Variants in SH3GL3 observed in about 807,000 individuals in gnomAD.
SH3GL3 encodes SH3 domain containing GRB2 like 3, endophilin A3.
In SH3GL3, 33 loss-of-function variants were observed where a neutral mutation model predicts 47.7. That is an observed-to-expected ratio of 0.69 (90% CI 0.52 to 0.92). The LOEUF (loss-of-function observed/expected upper bound fraction) is 0.92, where lower values mean the gene tolerates loss of function less well. Among genes scored for constraint, SH3GL3 ranks in the 40% least tolerant of loss-of-function variants. SH3GL3 has a pLI of 0.00. For missense variants in SH3GL3, 363 were observed against 417.8 expected (o/e 0.87, Z 1.14); for synonymous variants, 155 against 148.8 (o/e 1.04, Z -0.30).
intron 1 of SH3GL3, among the ~76,000 whole-genome samples, chr15:83,546,607 T>C (rs572459900): frequency 6.6e-5 from 10 of 152,188 alleles, no homozygotes; most frequent in Admixed American, 2.0e-4. Flanking sequence ...AGCCTTTCCC[T>C]GTGGATACTA....
intron 7 of SH3GL3, among the ~76,000 whole-genome samples, chr15:83,588,108 CTTTTG>C (rs199974305): frequency 1.3e-5 from 2 of 152,064 alleles, no homozygotes; most frequent in East Asian, 1.9e-4. Context: ...GAAAATTAGT[CTTTTG>C]TTTTGTTTTG....
chr15:83,462,910 T>A (rs2040372420), intron 1 of SH3GL3, among the ~76,000 whole-genome samples: 1 of 152,142 alleles, frequency 6.6e-6, no homozygotes, highest in South Asian at 2.1e-4. Context: ...TATAAGAATA[T>A]CTATCCAGGA....
At chr15:83,586,041 G>A (rs1046910629) in intron 6 of SH3GL3, among the ~76,000 whole-genome samples, 4 of 152,192 alleles carry the variant, frequency 2.6e-5, no homozygotes, top group African/African-American at 9.7e-5. Context: ...ATGATGCATA[G>A]GCTTTGGGGA....
chr15:83,555,629 C>A (rs928470820), intron 1 of SH3GL3, among the ~76,000 whole-genome samples: 1 of 152,120 alleles, frequency 6.6e-6, no homozygotes, highest in African/African-American at 2.4e-5. Flanking sequence ...TCTTCAGTCT[C>A]CTTGGGCCTG....
chr15:83,585,979 G>C (rs2059943970), intron 6 of SH3GL3, among the ~76,000 whole-genome samples: 1 of 152,196 alleles, frequency 6.6e-6, no homozygotes, highest in Admixed American at 6.5e-5. Context: ...TTGCATAAAT[G>C]AATCAGCAGG....
intron 6 of SH3GL3, among the ~76,000 whole-genome samples, chr15:83,578,281 C>A (rs906688782): frequency 2.0e-5 from 3 of 152,196 alleles, no homozygotes; most frequent in African/African-American, 4.8e-5. Context: ...ACCTGCCTCC[C>A]TCCGGAGCCC....
At chr15:83,498,460 A>G (rs2042166687) in intron 1 of SH3GL3, among the ~76,000 whole-genome samples, 1 of 152,188 alleles carries the variant, frequency 6.6e-6, no homozygotes, top group South Asian at 2.1e-4. Context: ...ATATGTAGTA[A>G]CTTCCACCAA....
At chr15:83,609,817 G>A (rs975747366) in intron 8 of SH3GL3, among the ~76,000 whole-genome samples, 3 of 152,088 alleles carry the variant, frequency 2.0e-5, no homozygotes, top group Non-Finnish European at 2.9e-5. Flanking sequence ...GTTAGAGATG[G>A]AGCCCTGGAG....
intron 1 of SH3GL3, among the ~76,000 whole-genome samples, chr15:83,498,782 C>A (rs1043608930): frequency 6.6e-6 from 1 of 152,324 alleles, no homozygotes; most frequent in East Asian, 1.9e-4. Flanking sequence ...ATGGTCACCC[C>A]CTACTGAAAA....
chr15:83,574,310 C>T (rs1043525878), intron 5 of SH3GL3, among the ~76,000 whole-genome samples: 9 of 152,094 alleles, frequency 5.9e-5, no homozygotes, highest in Non-Finnish European at 1.2e-4. Context: ...CTAAACATCC[C>T]ATTCCCCACC....
intron 8 of SH3GL3, among the ~76,000 whole-genome samples, chr15:83,610,393 C>T (rs536283436): frequency 9.0e-4 from 137 of 152,152 alleles, no homozygotes; most frequent in African/African-American, 3.1e-3. Flanking sequence ...CAAAATTATC[C>T]GGGCATGATG....
chr15:83,560,273 C>T (rs7173804), intron 2 of SH3GL3, among the ~76,000 whole-genome samples: 130,444 of 152,170 alleles, frequency 0.86, 56,550 homozygotes, highest in Admixed American at 0.9. Context: ...GAGTATCTCC[C>T]CAGGATACCT....
At chr15:83,487,848 C>CT (rs1345286229) in intron 1 of SH3GL3, among the ~76,000 whole-genome samples, 2 of 150,292 alleles carry the variant, frequency 1.3e-5, no homozygotes, top group African/African-American at 2.4e-5. Flanking sequence ...TTTTTTCTTT[C>CT]TTTTTTTAAT....
chr15:83,499,299 T>TA (rs1242795805), intron 1 of SH3GL3, among the ~76,000 whole-genome samples: 1 of 150,212 alleles, frequency 6.7e-6, no homozygotes, highest in African/African-American at 2.5e-5. Flanking sequence ...CATTAAACTT[T>TA]AAAAAATAAC....
At chr15:83,450,894 C>T (rs1418396743) in intron 1 of SH3GL3, among the ~76,000 whole-genome samples, 3 of 125,936 alleles carry the variant, frequency 2.4e-5, no homozygotes, top group Non-Finnish European at 1.6e-5. Context: ...CATGCTGGTG[C>T]GCTGCACCCA....
chr15:83,629,248 A>G, the SH3GL3 span, among the ~76,000 whole-genome samples: 1 of 152,214 alleles, frequency 6.6e-6, no homozygotes, highest in Admixed American at 6.5e-5. Flanking sequence ...ACAGAAATCC[A>G]AAAGTCCTAG....
Position 83,580,065 on chromosome 15 carries a change from G to A in SH3GL3, c.624+3324G>A, listed in dbSNP as rs371553603. The stretch of plus-strand genomic sequence containing the variant: ...GCATACATTGAACCCTTGGCCCTGT[G>A]TTTGGCCCATCTCCAACAACCAGGC... On this transcript the variant is annotated intron_variant, in intron 6 of 8. Transcript: ENST00000427482. Among the ~76,000 whole-genome samples, 50 of 152,326 alleles carry A rather than the reference G, an allele frequency of 3.3e-4. No homozygotes were observed. In the South Asian group the frequency reaches 0.01, roughly 31 times the overall value.
intron 1 of SH3GL3, among the ~76,000 whole-genome samples, chr15:83,527,494 G>T (rs545151463): frequency 2.0e-5 from 3 of 151,998 alleles, no homozygotes; most frequent in Non-Finnish European, 4.4e-5. Flanking sequence ...TACTGTTTTT[G>T]ACTTAAAGTC....
At chr15:83,538,891 G>C (rs115209906) in intron 1 of SH3GL3, among the ~76,000 whole-genome samples, 3,906 of 152,204 alleles carry the variant, frequency 0.026, 171 homozygotes, top group African/African-American at 0.086. Flanking sequence ...CTGAGTCATA[G>C]GGTATGGTTA....
Sources: allele counts gnomAD v4.1 joint callset (sites outside exome capture counted in the v4.1 genomes callset), GRCh38; gene constraint gnomAD v4.1.1; transcripts MANE v1.5; gene names NCBI Gene and HGNC (gene_info 2026-07-23, HGNC 2026-07-21).